Variants in SLC25A13 observed in about 807,000 individuals in gnomAD.
The protein encoded by SLC25A13 is solute carrier family 25 member 13.
A neutral mutation model predicts 85.5 loss-of-function variants in SLC25A13; 70 were observed. That is an observed-to-expected ratio of 0.82 (90% confidence interval 0.68 to 1.00). The LOEUF (loss-of-function observed/expected upper bound fraction) is 1.00. Ranked by LOEUF, SLC25A13 falls within the 50% of genes least tolerant of loss-of-function variation. SLC25A13 has a pLI of 0.00. For missense variants in SLC25A13, 765 were observed against 819.8 expected (o/e 0.93, Z 0.82); for synonymous variants, 259 against 288.7 (o/e 0.90, Z 1.04).
chr7:96,221,960 C>A (rs543273938), intron 4 of SLC25A13, among the ~76,000 whole-genome samples: 1 of 152,250 alleles, frequency 6.6e-6, no homozygotes, highest in Non-Finnish European at 1.5e-5. Flanking sequence ...GAAATCGCCC[C>A]GGTTCTGTGG....
Position 96,233,034 on chromosome 7 carries a change from G to C in SLC25A13, c.328+1768C>G, listed in dbSNP as rs572581608. Among the ~76,000 whole-genome samples, 16 of 152,328 alleles carry C rather than the reference G, an allele frequency of 1.1e-4. No individual in the cohort carries two copies. The East Asian group carries it at 2.9e-3, about 28-fold the overall frequency. ...CTTTCTAGGACCAGTGGTAAAGCTG[G>C]TGTCACCAATATCCCTTGCCACTTC... On this transcript the variant is annotated intron_variant, in intron 4 of 17. Coordinates refer to ENST00000265631, the MANE Select transcript of SLC25A13 (RefSeq NM_014251.3).
intron 5 of SLC25A13, among the ~76,000 whole-genome samples, chr7:96,197,517 T>C (rs1795107721): frequency 6.6e-6 from 1 of 152,118 alleles, no homozygotes. Context: ...ACTCCGTAAA[T>C]ATGAAAGAAA....
intron 3 of SLC25A13, among the ~76,000 whole-genome samples, chr7:96,259,459 C>T (rs779954791): frequency 2.6e-5 from 4 of 152,098 alleles, no homozygotes; most frequent in Non-Finnish European, 4.4e-5. Flanking sequence ...TGAAAAAAAG[C>T]TCATCATCAC....
At chr7:96,154,026 T>C (rs1324180955) in intron 13 of SLC25A13, among the ~76,000 whole-genome samples, 1 of 152,138 alleles carries the variant, frequency 6.6e-6, no homozygotes, top group East Asian at 1.9e-4. Context: ...AAAATGCAAA[T>C]TTTCCTAAAA....
intron 5 of SLC25A13, among the ~76,000 whole-genome samples, chr7:96,200,826 C>A (rs577432262): frequency 1.3e-5 from 2 of 152,332 alleles, no homozygotes; most frequent in Admixed American, 6.5e-5. Context: ...CCCTGCACAA[C>A]AGGCTGCTCA....
chr7:96,306,434 T>A (rs1263611228), intron 1 of SLC25A13, among the ~76,000 whole-genome samples: 2 of 152,230 alleles, frequency 1.3e-5, no homozygotes, highest in Non-Finnish European at 2.9e-5. Flanking sequence ...CTTACTGGTG[T>A]AAGAATAGAG....
At chr7:96,212,919 T>A (rs1240514733) in intron 4 of SLC25A13, among the ~76,000 whole-genome samples, 4 of 152,228 alleles carry the variant, frequency 2.6e-5, no homozygotes, top group Admixed American at 1.3e-4. Flanking sequence ...AGCAGGATTA[T>A]GTACTCAAAT....
In SLC25A13 at chr7:96,272,535, A is replaced by G. The variant is rs926930939; in HGVS notation, c.212+4661T>C. Among the ~76,000 whole-genome samples, 8 of 152,282 alleles carry G rather than the reference A, an allele frequency of 5.3e-5. No homozygotes were observed. The South Asian group carries it at 1.7e-3, about 32-fold the overall frequency. On this transcript the variant is annotated intron_variant, in intron 3 of 17. Transcript: ENST00000265631. ...ATCAGAGCTTCTTGTTGGGGGGAAAAGTGATTTCCAGGTCAAAGGCAGGAA... is the reference window on the plus strand; with the variant it reads ...ATCAGAGCTTCTTGTTGGGGGGAAAGGTGATTTCCAGGTCAAAGGCAGGAA...
intron 14 of SLC25A13, among the ~76,000 whole-genome samples, chr7:96,137,507 C>T (rs988789774): frequency 3.3e-5 from 5 of 152,180 alleles, no homozygotes; most frequent in Non-Finnish European, 2.9e-5. Flanking sequence ...ATCAACAATG[C>T]TCATCACTGA....
At chr7:96,128,939 G>GCTCTCTATCTCTCTCT (rs1791871259) in intron 15 of SLC25A13, among the ~76,000 whole-genome samples, 1 of 81,850 alleles carries the variant, frequency 1.2e-5, no homozygotes, top group African/African-American at 4.3e-5. Context: ...TGCCTTGCTT[G>GCTCTCTATCTCTCTCT]CTCTCTCTCT....
intron 4 of SLC25A13, among the ~76,000 whole-genome samples, chr7:96,229,231 A>C (rs1160988116): frequency 6.6e-6 from 1 of 152,222 alleles, no homozygotes; most frequent in Non-Finnish European, 1.5e-5. Context: ...TATATGCTCC[A>C]ATCAGCACTC....
chr7:96,268,591 T>C (rs370909901), intron 3 of SLC25A13, among the ~76,000 whole-genome samples: 56 of 152,232 alleles, frequency 3.7e-4, no homozygotes, highest in African/African-American at 1.2e-3. Context: ...CATCATTAAG[T>C]AGATTAAAAC....
chr7:96,263,463 C>T lies in SLC25A13; in HGVS notation c.212+13733G>A, dbSNP rs1797933369. Among the ~76,000 whole-genome samples the T allele has an allele frequency of 3.3e-5, 5 of 152,142 alleles. No individual in the cohort carries two copies. The South Asian group carries it at 6.2e-4, about 19-fold the overall frequency. On this transcript the variant is annotated intron_variant, in intron 3 of 17. Coordinates refer to ENST00000265631, the MANE Select transcript of SLC25A13 (RefSeq NM_014251.3). ...ATGCTTCCACTGTAGACCCCTCTTA[C>T]GTGTAGGGATGAGCTTTCCTCTTGC...
Position 96,120,709 on chromosome 7 carries a change from T to A in SLC25A13, c.*482A>T. ...ACAGAATTTGTGCATGCTTACAATTTGAAGCCAGGCTGAATATATTTGATA... is the reference window on the plus strand; with the variant it reads ...ACAGAATTTGTGCATGCTTACAATTAGAAGCCAGGCTGAATATATTTGATA... On this transcript the variant is annotated 3_prime_UTR_variant, in exon 18 of 18. Coordinates refer to ENST00000265631, the MANE Select transcript of SLC25A13 (RefSeq NM_014251.3). The A allele has an allele frequency of 2.2e-6, 1 of 454,558 alleles. No homozygotes were observed. The highest frequency in any genetic ancestry group is 4.4e-6 in the Non-Finnish European group (1 of 226,852). 28.2% of individuals were successfully genotyped at this position (454,558 alleles called of 1,614,324 possible).
intron 1 of SLC25A13, among the ~76,000 whole-genome samples, chr7:96,299,399 A>G (rs1300850430): frequency 6.6e-6 from 1 of 152,254 alleles, no homozygotes; most frequent in African/African-American, 2.4e-5. Context: ...TTTCTAAGCA[A>G]GACTATTATC....
chr7:96,277,340 T>A lies in SLC25A13; in HGVS notation c.70-2A>T. 1 of 1,610,600 alleles carries A rather than the reference T, an allele frequency of 6.2e-7. No homozygotes were observed. The highest frequency in any genetic ancestry group is 8.5e-7 in the Non-Finnish European group (1 of 1,178,114). The stretch of plus-strand genomic sequence containing the variant: ...ACCGTTTTTCTCAATGCTTGCATAC[T>A]GTTTAAAAAAAAGAAAAACAGTATT... On this transcript the variant is annotated splice_acceptor_variant, in intron 2 of 17. Transcript: ENST00000265631. LOFTEE classifies it high-confidence loss of function.
At chr7:96,160,196 C>A (rs1226502140) in intron 13 of SLC25A13, among the ~76,000 whole-genome samples, 2 of 152,118 alleles carry the variant, frequency 1.3e-5, no homozygotes, top group Admixed American at 1.3e-4. Context: ...ACTAGAAATC[C>A]AGAAAGATGG....
intron 12 of SLC25A13, among the ~76,000 whole-genome samples, chr7:96,171,224 A>G (rs1184221080): frequency 6.6e-6 from 1 of 152,246 alleles, no homozygotes; most frequent in Admixed American, 6.5e-5. Flanking sequence ...AAGGGAATTT[A>G]GCTGCTACTG....
chr7:96,123,510 T>C (rs987330101), intron 15 of SLC25A13, among the ~76,000 whole-genome samples: 3 of 152,180 alleles, frequency 2.0e-5, no homozygotes, highest in Non-Finnish European at 4.4e-5. Flanking sequence ...CTCTTCTTTG[T>C]TATGAAAATA....
Sources: allele counts gnomAD v4.1 joint callset (sites outside exome capture counted in the v4.1 genomes callset), GRCh38; gene constraint gnomAD v4.1.1; transcripts MANE v1.5; gene names NCBI Gene and HGNC (gene_info 2026-07-23, HGNC 2026-07-21).